Variants in LARGE1 observed in about 807,000 individuals in gnomAD.
LARGE1 encodes the protein xylosyl- and glucuronyltransferase LARGE1.
Under a neutral mutation model 87.6 loss-of-function variants are expected in LARGE1, and 43 were observed. The ratio of observed to expected loss-of-function variants is 0.49; its 90% confidence interval spans 0.38 to 0.63. The LOEUF (loss-of-function observed/expected upper bound fraction) is 0.63. Ranked by LOEUF, LARGE1 falls within the 30% of genes least tolerant of loss-of-function variation. The pLI, the probability that LARGE1 is intolerant of heterozygous loss-of-function variation, is 0.00. For synonymous variants in LARGE1, 434 were observed against 394.6 expected, an observed-to-expected ratio of 1.10 and a Z score of -1.18; for missense variants, 802 against 1,000.2, an observed-to-expected ratio of 0.80 and a Z score of 2.67.
chr22:33,211,817 A>G (rs925605004), intron 11 of LARGE1, among the ~76,000 whole-genome samples: 13 of 152,186 alleles, frequency 8.5e-5, no homozygotes, highest in African/African-American at 2.4e-4. Flanking sequence ...ACACATGATA[A>G]GAAAGCCAAA....
chr22:33,856,008 C>G (rs2063744911), intron 1 of LARGE1, among the ~76,000 whole-genome samples: 1 of 152,214 alleles, frequency 6.6e-6, no homozygotes, highest in African/African-American at 2.4e-5. Context: ...CCCCGCACCT[C>G]TGTGCTGCTT....
intron 11 of LARGE1, among the ~76,000 whole-genome samples, chr22:33,216,555 G>C (rs1925212491): frequency 6.6e-6 from 1 of 150,772 alleles, no homozygotes; most frequent in Non-Finnish European, 1.5e-5. Context: ...TGTGAACCCA[G>C]GAGGCGGAGC....
At chr22:33,350,348 T>A (rs1218441004) in intron 9 of LARGE1, among the ~76,000 whole-genome samples, 1 of 152,204 alleles carries the variant, frequency 6.6e-6, no homozygotes, top group Non-Finnish European at 1.5e-5. Context: ...GCGACTTCCC[T>A]GCAGACAACC....
At chr22:33,406,950 G>A (rs377038305) in intron 7 of LARGE1, among the ~76,000 whole-genome samples, 2 of 152,002 alleles carry the variant, frequency 1.3e-5, no homozygotes, top group Admixed American at 6.6e-5. Flanking sequence ...CCGCCACCAC[G>A]CCCAGCAAAT....
chr22:33,115,208 C>T, the LARGE1 span, among the ~76,000 whole-genome samples: 48,412 of 151,868 alleles, frequency 0.32, 8,497 homozygotes, highest in Non-Finnish European at 0.41. Context: ...GCCTTTAAAG[C>T]GCTCAAAAAT....
intron 1 of LARGE1, among the ~76,000 whole-genome samples, chr22:33,870,818 T>A (rs888392647): frequency 2.0e-5 from 3 of 152,206 alleles, no homozygotes; most frequent in Non-Finnish European, 4.4e-5. Context: ...TCCGTTCACC[T>A]TGGCCTCCCA....
intron 6 of LARGE1, among the ~76,000 whole-genome samples, chr22:33,499,192 A>G (rs1030968007): frequency 6.6e-6 from 1 of 152,144 alleles, no homozygotes; most frequent in African/African-American, 2.4e-5. Flanking sequence ...GTGGAACCCA[A>G]GCCCAGGGCT....
chr22:33,110,171 C>G, the LARGE1 span, among the ~76,000 whole-genome samples: 2 of 152,112 alleles, frequency 1.3e-5, no homozygotes, highest in Non-Finnish European at 2.9e-5. Context: ...AGTTAAATAA[C>G]CTGTTCAAGG....
intron 9 of LARGE1, among the ~76,000 whole-genome samples, chr22:33,371,320 A>T (rs2064801340): frequency 6.6e-6 from 1 of 152,348 alleles, no homozygotes; most frequent in African/African-American, 2.4e-5. Context: ...GGTAAAATAA[A>T]AATGGAAATA....
chr22:33,463,591 T>C (rs370744106), intron 6 of LARGE1, among the ~76,000 whole-genome samples: 21 of 152,208 alleles, frequency 1.4e-4, no homozygotes, highest in African/African-American at 4.8e-4. Flanking sequence ...GTATGTGTAT[T>C]TGTACATAGG....
intron 6 of LARGE1, among the ~76,000 whole-genome samples, chr22:33,550,552 A>G (rs2077495836): frequency 6.6e-6 from 1 of 152,224 alleles, no homozygotes; most frequent in African/African-American, 2.4e-5. Flanking sequence ...AAGACAAAAA[A>G]TAACAGACAT....
intron 6 of LARGE1, among the ~76,000 whole-genome samples, chr22:33,531,283 G>A (rs996693121): frequency 4.6e-5 from 7 of 151,970 alleles, no homozygotes; most frequent in South Asian, 2.1e-4. Context: ...TCAGCCTCCC[G>A]AATAGCTGGG....
chr22:33,856,544 TGG>T (rs990227715), intron 1 of LARGE1, among the ~76,000 whole-genome samples: 3 of 152,182 alleles, frequency 2.0e-5, no homozygotes, highest in African/African-American at 7.2e-5. Flanking sequence ...GTGTCTTCTT[TGG>T]TGAAAGAACC....
At chr22:33,473,590 T>C (rs2068946662) in intron 6 of LARGE1, among the ~76,000 whole-genome samples, 1 of 152,120 alleles carries the variant, frequency 6.6e-6, no homozygotes, top group African/African-American at 2.4e-5. Context: ...CCTGACCTCG[T>C]GATCCACCAT....
At chr22:33,426,737 C>T (rs770231856) in intron 7 of LARGE1, among the ~76,000 whole-genome samples, 4 of 152,164 alleles carry the variant, frequency 2.6e-5, no homozygotes, top group South Asian at 2.1e-4. Flanking sequence ...AGAAGGATTC[C>T]GAGAGAAATT....
At chr22:33,118,030 A>G in the LARGE1 span, among the ~76,000 whole-genome samples, 2 of 152,198 alleles carry the variant, frequency 1.3e-5, no homozygotes, top group Non-Finnish European at 2.9e-5. Context: ...ATGGCTCTCT[A>G]ATCAAATCTG....
intron 6 of LARGE1, among the ~76,000 whole-genome samples, chr22:33,502,533 T>C (rs532892848): frequency 6.6e-6 from 1 of 152,194 alleles, no homozygotes; most frequent in Non-Finnish European, 1.5e-5. Context: ...TAATGTTGTA[T>C]AGGTGCCACC....
chr22:33,679,450 G>A (rs1394585384), intron 2 of LARGE1, among the ~76,000 whole-genome samples: 2 of 151,296 alleles, frequency 1.3e-5, no homozygotes, highest in East Asian at 3.9e-4. Flanking sequence ...GGGGAAATTT[G>A]GGGACAGACA....
chr22:33,720,428 G>A (rs554993850), intron 2 of LARGE1, among the ~76,000 whole-genome samples: 42 of 152,210 alleles, frequency 2.8e-4, no homozygotes, highest in East Asian at 1.4e-3. Flanking sequence ...AATAGGCCAC[G>A]GACTGGTACC....
Sources: allele counts gnomAD v4.1 joint callset (sites outside exome capture counted in the v4.1 genomes callset), GRCh38; gene constraint gnomAD v4.1.1; transcripts MANE v1.5; gene names NCBI Gene and HGNC (gene_info 2026-07-23, HGNC 2026-07-21).